PARP2: variants seen among roughly 807,000 people sequenced by gnomAD.
The protein encoded by PARP2 is poly(ADP-ribose) polymerase 2, also known as poly [ADP-ribose] polymerase 2.
PARP2 carries 57 observed loss-of-function variants against 77.8 expected under a neutral mutation model. That is an observed-to-expected ratio of 0.73 (90% CI 0.59 to 0.91). The LOEUF (loss-of-function observed/expected upper bound fraction) is 0.91. Among genes scored for constraint, PARP2 ranks in the 40% least tolerant of loss-of-function variants. The probability of loss-of-function intolerance (pLI) is 0.00; values close to 1 mark genes in which losing one functional copy is unlikely to be tolerated. For missense variants in PARP2, 651 were observed against 689.0 expected, an observed-to-expected ratio of 0.94 and a Z score of 0.62; for synonymous variants, 226 against 242.6, an observed-to-expected ratio of 0.93 and a Z score of 0.64.
At position 20,355,958 on chromosome 14, in the gene PARP2, A is replaced by C. The variant is rs751866875; in HGVS notation, c.1028A>C (p.His343Pro). ...LVKTELQSPE[H>P]PLDQHYRNLH... ...AAAACAGAGCTACAAAGCCCAGAAC[A>C]CCCATTGGACCAACACTATAGAAAC... Residue 343 changes from histidine to proline, a missense_variant, in exon 11 of 16, where the codon CAC becomes CCC. Coordinates refer to ENST00000429687, the MANE Select transcript of PARP2 (RefSeq NM_001042618.2). The C allele has an allele frequency of 1.9e-6, 3 of 1,613,938 alleles. No individual in the cohort carries two copies. In the African/African-American group the frequency reaches 4.0e-5, roughly 22 times the overall value.
chr14:20,353,105 C>T (rs993571008), intron 7 of PARP2: 2 of 151,978 alleles, frequency 1.3e-5, no homozygotes, highest in African/African-American at 4.8e-5. Context: ...GTCTTGAACT[C>T]GTGACCTTGG....
intron 3 of PARP2, 140 bp downstream of exon 3, chr14:20,345,604 A>G (rs1883689287): frequency 3.2e-6 from 2 of 629,538 alleles, no homozygotes; most frequent in Middle Eastern, 3.0e-4. Flanking sequence ...GTTTTCTCTA[A>G]TGGCAAGAGA....
At position 20,355,984 on chromosome 14, in the gene PARP2, C is replaced by T. The variant is rs746602169; in HGVS notation, c.1054C>T (p.Leu352=). 5 of 1,614,070 alleles carry T rather than the reference C, an allele frequency of 3.1e-6. No homozygotes were observed. The highest frequency in any genetic ancestry group is 4.2e-6 in the Non-Finnish European group (5 of 1,179,946). Residue 352 remains leucine (L), a synonymous_variant, in exon 11 of 16, where the codon CTA becomes TTA. Transcript: ENST00000429687. The part of the protein sequence containing the change: ...EHPLDQHYRN[L]HCALRPLDHE... Reference sequence around the variant, plus strand: ...CCCATTGGACCAACACTATAGAAACCTACATTGTGCCTTGCGCCCCCTTGA... The same window carrying T: ...CCCATTGGACCAACACTATAGAAACTTACATTGTGCCTTGCGCCCCCTTGA...
chr14:20,355,671 A>G, intron 9 of PARP2, 81 bp from the exon 10 acceptor site: 1 of 1,041,452 alleles, frequency 9.6e-7, no homozygotes, highest in South Asian at 1.3e-5. Flanking sequence ...TAAAGGACCT[A>G]TCTGTCATTT....
Position 20,344,954 on chromosome 14 carries a change from TAA to T in PARP2, c.70_71del (p.Asn24Ter), listed in dbSNP as rs1357410876. The T allele has an allele frequency of 3.7e-6, 6 of 1,613,834 alleles. No individual in the cohort carries two copies. Among genetic ancestry groups the T allele is most frequent in the Non-Finnish European group, 5.1e-6 (6 of 1,179,804 alleles). On this transcript the variant is annotated frameshift_variant, in exon 2 of 16. Transcript: ENST00000429687. LOFTEE classifies it high-confidence loss of function. ...TAGCATTAAATGAAAGCAAAAGAGT[TAA>T]TAATGGCAACACGGCTCCAGAAGAC... is the stretch of plus-strand genomic sequence containing the variant. ...ARALNESKRV[N>X]NGNTAPEDSS...
At chr14:20,351,670 G>A (rs1019300135) in intron 6 of PARP2, among the ~76,000 whole-genome samples, 4 of 152,180 alleles carry the variant, frequency 2.6e-5, no homozygotes, top group South Asian at 4.1e-4. Context: ...TTTAACACAT[G>A]ACTGACAAAT....
chr14:20,347,321 C>A (rs1883763448), intron 4 of PARP2, among the ~76,000 whole-genome samples: 1 of 119,412 alleles, frequency 8.4e-6, no homozygotes, highest in African/African-American at 3.4e-5. Context: ...GTGTAAGCCA[C>A]CACGCCTTGC....
intron 7 of PARP2, among the ~76,000 whole-genome samples, chr14:20,353,546 G>C (rs1884036677): frequency 6.6e-6 from 1 of 152,092 alleles, no homozygotes; most frequent in Admixed American, 6.5e-5. Context: ...GCTGGCACCA[G>C]AAGTTTATTG....
chr14:20,354,729 T>G, intron 8 of PARP2, 80 bp from the exon 9 acceptor site: 1 of 1,362,128 alleles, frequency 7.3e-7, no homozygotes, highest in Non-Finnish European at 1.0e-6. Context: ...AAGATGAAAG[T>G]CTTTTTTAGG....
At chr14:20,350,029 G>C (rs942183307) in intron 4 of PARP2, among the ~76,000 whole-genome samples, 2 of 152,130 alleles carry the variant, frequency 1.3e-5, no homozygotes, top group Non-Finnish European at 2.9e-5. Context: ...TCCCATTATT[G>C]CCCTGCTCTC....
rs547175307 is a variant in PARP2 at position 20,357,259 on chromosome 14, G to A, written c.1428+110G>A. 5.2e-5 allele frequency: 68 copies of A among 1,314,650 alleles called. No homozygotes were observed. The Admixed American group carries it at 1.2e-3, about 23-fold the overall frequency. 81.4% of individuals were successfully genotyped at this position (1,314,650 alleles called of 1,614,324 possible). On this transcript the variant is annotated intron_variant, in intron 14 of 15. Transcript: ENST00000429687. ...GTTTACCTGGGATAGCTTGAGAGAG[G>A]ACCAAGTACAATTTCTAGTACATTG...
chr14:20,346,983 A>G, intron 4 of PARP2, 70 bp downstream of exon 4: 1 of 999,590 alleles, frequency 1.0e-6, no homozygotes, highest in Non-Finnish European at 1.6e-6. Flanking sequence ...TGATGATAGC[A>G]TCACAGTGTT....
chr14:20,348,950 C>T (rs950161824), intron 4 of PARP2, among the ~76,000 whole-genome samples: 18 of 151,414 alleles, frequency 1.2e-4, no homozygotes, highest in African/African-American at 4.4e-4. Flanking sequence ...ACCTGGGAGA[C>T]GGAGTTTGTG....
At chr14:20,356,841 T>G in intron 13 of PARP2, 152 bp downstream of exon 13, 2 of 705,604 alleles carry the variant, frequency 2.8e-6, no homozygotes, top group Non-Finnish European at 4.9e-6. Context: ...TGTGTCCCTC[T>G]TTCTTTAAAT....
Position 20,357,165 on chromosome 14 carries a change from G to GA in PARP2, c.1428+16_1428+17insA, listed in dbSNP as rs1566425362. ...CTTATCAGAGGTGAGACAGGAGTATGTCTGTGATCTCTAGTTTATTAATTC... is the reference window on the plus strand; with the variant it reads ...CTTATCAGAGGTGAGACAGGAGTATGATCTGTGATCTCTAGTTTATTAATTC... On this transcript the variant is annotated intron_variant, in intron 14 of 15. Transcript: ENST00000429687. The GA allele has an allele frequency of 1.3e-6, 2 of 1,499,810 alleles. No homozygotes were observed. Among genetic ancestry groups the GA allele is most frequent in the Admixed American group, 3.5e-5 (2 of 57,886 alleles). 92.9% of individuals were successfully genotyped at this position (1,499,810 alleles called of 1,614,324 possible).
chr14:20,350,669 G>C (rs753397301), intron 5 of PARP2, 47 bp downstream of exon 5: 14 of 1,262,054 alleles, frequency 1.1e-5, no homozygotes, highest in Non-Finnish European at 1.5e-5. Context: ...CAGAAAGTCA[G>C]AAGCAGCTTA....
At chr14:20,347,392 ATATATATTTTTT>A (rs1883798829) in intron 4 of PARP2, among the ~76,000 whole-genome samples, 1 of 14,146 alleles carries the variant, frequency 7.1e-5, no homozygotes, top group African/African-American at 3.9e-4. Flanking sequence ...ATATATATAT[ATATATATTTTTT>A]TTTTTTTTTT....
intron 14 of PARP2, 90 bp from the exon 15 acceptor site, chr14:20,357,306 G>GA: frequency 6.8e-7 from 1 of 1,470,256 alleles, no homozygotes; most frequent in Non-Finnish European, 9.3e-7. Flanking sequence ...TGGAGTAGGG[G>GA]AAAAAAGTAC....
chr14:20,345,743 G>T (rs1220507720), intron 3 of PARP2, among the ~76,000 whole-genome samples: 1 of 152,022 alleles, frequency 6.6e-6, no homozygotes, highest in Non-Finnish European at 1.5e-5. Context: ...CCTAGAGGCT[G>T]TACAGGAAGC....
Sources: allele counts gnomAD v4.1 joint callset (sites outside exome capture counted in the v4.1 genomes callset), GRCh38; gene constraint gnomAD v4.1.1; transcripts MANE v1.5; gene names NCBI Gene and HGNC (gene_info 2026-07-23, HGNC 2026-07-21).